KANK1: variants seen among roughly 807,000 people sequenced by gnomAD.
The protein encoded by KANK1 is KN motif and ankyrin repeat domains 1, also known as KN motif and ankyrin repeat domain-containing protein 1.
In KANK1, 109 loss-of-function variants were observed where a neutral mutation model predicts 106.2. That is an observed-to-expected ratio of 1.03 (90% CI 0.88 to 1.20). The LOEUF is 1.20. Among genes scored for constraint, KANK1 ranks in the 50% most tolerant of loss-of-function variants. The pLI, the probability that KANK1 is intolerant of heterozygous loss-of-function variation, is 0.00. For synonymous variants in KANK1, 873 were observed against 652.2 expected (o/e 1.34, Z -5.16); for missense variants, 2,399 against 1,710.7 (o/e 1.40, Z -7.10).
Position 656,979 on chromosome 9 carries a change from A to G in KANK1, c.-83-19911A>G, listed in dbSNP as rs561736333. ...TTAACTGTATGCACAATGCCATGAC[A>G]GATCTCTAGAACTTTTCCATTTCAC... On this transcript the variant is annotated intron_variant, in intron 1 of 11. Coordinates refer to ENST00000382297, the MANE Select transcript of KANK1 (RefSeq NM_015158.5). Among the ~76,000 whole-genome samples, 21 of 152,272 alleles carry G rather than the reference A, an allele frequency of 1.4e-4. No individual in the cohort carries two copies. In the South Asian group the frequency reaches 1.9e-3, roughly 14 times the overall value.
At chr9:625,651 C>T (rs1010622163) in intron 1 of KANK1, among the ~76,000 whole-genome samples, 3 of 152,104 alleles carry the variant, frequency 2.0e-5, no homozygotes, top group African/African-American at 7.2e-5. Flanking sequence ...CTGGTTTTCT[C>T]TGCTTTGTTA....
Position 738,403 on chromosome 9 carries a change from TCC to T in KANK1, c.3453_3454del (p.Arg1152LeufsTer36). 6.2e-7 allele frequency: 1 copy of T among 1,614,138 alleles called. No individual in the cohort carries two copies. The highest frequency in any genetic ancestry group is 8.5e-7 in the Non-Finnish European group (1 of 1,180,012). On this transcript the variant is annotated frameshift_variant, in exon 8 of 12. Transcript: ENST00000382297. LOFTEE classifies it high-confidence loss of function. ...TTTGAGGCCATTTCCCCAGATGTCC[TCC>T]GCTATGTCATCAACTTGGCAGACGG...
intron 2 of KANK1, among the ~76,000 whole-genome samples, chr9:709,817 G>C (rs1191803798): frequency 6.6e-6 from 1 of 151,926 alleles, no homozygotes; most frequent in Non-Finnish European, 1.5e-5. Context: ...GTTTTACCAC[G>C]TGTTGGCCAG....
chr9:704,235 T>C (rs1454761393), intron 2 of KANK1, among the ~76,000 whole-genome samples: 1 of 152,164 alleles, frequency 6.6e-6, no homozygotes, highest in East Asian at 1.9e-4. Context: ...TAGACCTTTA[T>C]ATCTTTTTCA....
intron 1 of KANK1, among the ~76,000 whole-genome samples, chr9:509,051 G>A (rs1032490365): frequency 1.3e-5 from 2 of 152,112 alleles, no homozygotes; most frequent in African/African-American, 2.4e-5. Flanking sequence ...TTTTAAATTG[G>A]AAGAGCAGTA....
chr9:534,514 C>T (rs2060207571), intron 1 of KANK1, among the ~76,000 whole-genome samples: 1 of 152,232 alleles, frequency 6.6e-6, no homozygotes, highest in Non-Finnish European at 1.5e-5. Context: ...TGTTGGCAGA[C>T]ATACGTCTTT....
At chr9:524,237 C>T (rs553519359) in intron 1 of KANK1, among the ~76,000 whole-genome samples, 1 of 151,742 alleles carries the variant, frequency 6.6e-6, no homozygotes. Context: ...TGAAGTAATA[C>T]AACCCTTCCC....
At chr9:505,175 C>T (rs1278550688) in intron 1 of KANK1, among the ~76,000 whole-genome samples, 3 of 152,144 alleles carry the variant, frequency 2.0e-5, no homozygotes, top group Non-Finnish European at 4.4e-5. Flanking sequence ...CTTCCCTAGC[C>T]CGGGGCGGAA....
At chr9:698,467 G>C (rs1232289780) in intron 2 of KANK1, among the ~76,000 whole-genome samples, 1 of 152,056 alleles carries the variant, frequency 6.6e-6, no homozygotes, top group African/African-American at 2.4e-5. Context: ...GTCATCCATT[G>C]GTTTAAAGAA....
chr9:649,533 A>T (rs1840423491), intron 1 of KANK1, among the ~76,000 whole-genome samples: 1 of 152,190 alleles, frequency 6.6e-6, no homozygotes, highest in South Asian at 2.1e-4. Context: ...TTACAGATGT[A>T]AGTAAGTAGT....
chr9:547,445 A>G (rs2061000130), intron 1 of KANK1: 2 of 143,006 alleles, frequency 1.4e-5, no homozygotes, highest in African/African-American at 2.4e-5. Flanking sequence ...GAGCTTGAGT[A>G]TTAAGATTTG....
intron 1 of KANK1, among the ~76,000 whole-genome samples, chr9:577,337 T>G (rs893288709): frequency 2.6e-5 from 4 of 152,118 alleles, no homozygotes; most frequent in African/African-American, 7.2e-5. Flanking sequence ...TATTACAGAG[T>G]GCTGATTGGT....
intron 1 of KANK1, among the ~76,000 whole-genome samples, chr9:666,901 C>CTTTTTTTTTTTTTTTTTTTT (rs35149316): frequency 1.9e-5 from 1 of 53,494 alleles, no homozygotes; most frequent in Admixed American, 2.6e-4. Context: ...CTATTGTTGT[C>CTTTTTTTTTTTTTTTTTTTT]TTTTTTTTTT....
chr9:700,430 T>A (rs1446835146), intron 2 of KANK1, among the ~76,000 whole-genome samples: 1 of 152,228 alleles, frequency 6.6e-6, no homozygotes, highest in Non-Finnish European at 1.5e-5. Context: ...CTTCGCTGTC[T>A]TCTTAGAACA....
At chr9:619,297 C>G (rs572672060) in intron 1 of KANK1, among the ~76,000 whole-genome samples, 2 of 152,142 alleles carry the variant, frequency 1.3e-5, no homozygotes, top group African/African-American at 2.4e-5. Flanking sequence ...AACCATCACA[C>G]TGTTTAGTTT....
chr9:471,478 G>A (rs1356278619), intron 2 of KANK1: 1 of 152,222 alleles, frequency 6.6e-6, no homozygotes. Context: ...GTCCATGTGG[G>A]ACTCCCTCCT....
upstream of KANK1, chr9:504,614 G>T (rs932996593): frequency 6.6e-6 from 1 of 151,522 alleles, no homozygotes; most frequent in African/African-American, 2.4e-5. Context: ...CCCCGCCCCG[G>T]CGGCGGCCGT....
chr9:570,236 G>A (rs1818831559), intron 1 of KANK1, among the ~76,000 whole-genome samples: 2 of 152,200 alleles, frequency 1.3e-5, no homozygotes, highest in Non-Finnish European at 2.9e-5. Context: ...TGGAGATAAT[G>A]TAGACTTAAA....
Position 659,365 on chromosome 9 carries a change from C to T in KANK1, c.-83-17525C>T, listed in dbSNP as rs575172300. Among the ~76,000 whole-genome samples, 24 of 152,224 alleles carry T rather than the reference C, an allele frequency of 1.6e-4. No individual in the cohort carries two copies. In the South Asian group the frequency reaches 4.4e-3, roughly 28 times the overall value. ...TTTGGCCTACCTCAGGGTCACCTAG[C>T]GGGTTATCAAAATGCAGATTGCAGG... is the stretch of plus-strand genomic sequence containing the variant. On this transcript the variant is annotated intron_variant, in intron 1 of 11. Transcript: ENST00000382297.
Sources: gnomAD v4.1 joint callset for allele counts (sites outside exome capture counted in the v4.1 genomes callset) on GRCh38, gnomAD v4.1.1 for gene constraint, MANE v1.5 for transcripts, NCBI Gene and HGNC (gene_info 2026-07-23, HGNC 2026-07-21) for gene names.